The following IMMP2L variants were observed in gnomAD, a reference collection of about 807,000 sequenced individuals.
The protein encoded by IMMP2L is inner mitochondrial membrane peptidase subunit 2, also known as mitochondrial inner membrane protease subunit 2.
IMMP2L carries 18 observed loss-of-function variants against 19.3 expected under a neutral mutation model. The ratio of observed to expected loss-of-function variants is 0.93; its 90% CI spans 0.64 to 1.38. The LOEUF (loss-of-function observed/expected upper bound fraction) is 1.38, where lower values mean the gene tolerates loss of function less well. Ranked by LOEUF, IMMP2L falls within the 40% of genes most tolerant of loss-of-function variation. IMMP2L has a pLI of 0.00. For missense variants in IMMP2L, 233 were observed against 218.2 expected, an observed-to-expected ratio of 1.07 and a Z score of -0.43; for synonymous variants, 76 against 73.0, an observed-to-expected ratio of 1.04 and a Z score of -0.21.
rs142900255 is a variant in IMMP2L at position 111,502,034 on chromosome 7, G to C, written c.136-14693C>G. Among the ~76,000 whole-genome samples, 1,307 of 152,000 alleles carry C rather than the reference G, an allele frequency of 8.6e-3. 23 individuals carry two copies. Among genetic ancestry groups the C allele is most frequent in the African/African-American group, 0.03 (1,254 of 41,514 alleles). ...TTAAAAGACACAGACTGGCAAATTG[G>C]ATAAAGAGTCATACATCAGTGTGCT... On this transcript the variant is annotated intron_variant, in intron 2 of 5. Coordinates refer to ENST00000405709, the MANE Select transcript of IMMP2L (RefSeq NM_032549.4).
rs577364128 is a variant in IMMP2L, at chr7:110,967,830, GA to G, written c.240-4266del. On this transcript the variant is annotated intron_variant, in intron 3 of 5. Transcript: ENST00000405709. ...TATTCTTTTATCATGAAAGTAGAAC[GA>G]AAAGTCCACTCAACACAATGATAAA... Among the ~76,000 whole-genome samples the G allele has an allele frequency of 9.8e-3, 1,495 of 152,086 alleles. 20 individuals are homozygous for G. Among genetic ancestry groups the G allele is most frequent in the African/African-American group, 0.033 (1,382 of 41,496 alleles).
At chr7:111,270,534 A>T (rs1818343099) in intron 3 of IMMP2L, among the ~76,000 whole-genome samples, 1 of 152,136 alleles carries the variant, frequency 6.6e-6, no homozygotes, top group Non-Finnish European at 1.5e-5. Flanking sequence ...ATAAAGAAAA[A>T]AATTTCTTTA....
chr7:110,970,152 A>T lies in IMMP2L; in HGVS notation c.240-6587T>A, dbSNP rs1819988684. On this transcript the variant is annotated intron_variant, in intron 3 of 5. Coordinates refer to ENST00000405709, the MANE Select transcript of IMMP2L (RefSeq NM_032549.4). ...CAATTAAATTTGTATTTATGACTCT[A>T]ACTTCTATAATTGAAAAGAGCTGTG... Among the ~76,000 whole-genome samples, 4 of 152,250 alleles carry T rather than the reference A, an allele frequency of 2.6e-5. No individual in the cohort carries two copies. The South Asian group carries it at 8.3e-4, about 32-fold the overall frequency.
chr7:110,716,409 T>C (rs1795239010), intron 5 of IMMP2L, among the ~76,000 whole-genome samples: 1 of 152,144 alleles, frequency 6.6e-6, no homozygotes, highest in Non-Finnish European at 1.5e-5. Context: ...GCTATGTACG[T>C]AAGTGTGTTT....
intron 3 of IMMP2L, among the ~76,000 whole-genome samples, chr7:111,266,318 G>A (rs576508612): frequency 2.0e-5 from 3 of 152,150 alleles, no homozygotes; most frequent in East Asian, 3.9e-4. Flanking sequence ...TGAGGTGGGT[G>A]GATCACTTGA....
At chr7:111,096,780 A>T (rs942552930) in intron 3 of IMMP2L, among the ~76,000 whole-genome samples, 1 of 151,972 alleles carries the variant, frequency 6.6e-6, no homozygotes, top group African/African-American at 2.4e-5. Flanking sequence ...CTTCCTTAGC[A>T]TCTCCTTTCT....
intron 4 of IMMP2L, among the ~76,000 whole-genome samples, chr7:110,903,471 C>T (rs1812122405): frequency 6.6e-6 from 1 of 152,144 alleles, no homozygotes; most frequent in Admixed American, 6.6e-5. Flanking sequence ...ATTGATTTGA[C>T]TATTTTAGAT....
At chr7:111,094,474 C>G (rs561287406) in intron 3 of IMMP2L, among the ~76,000 whole-genome samples, 99 of 152,212 alleles carry the variant, frequency 6.5e-4, no homozygotes, top group African/African-American at 2.3e-3. Context: ...GTACAGCACA[C>G]TAAAATGTTC....
rs979194488 is a variant in IMMP2L at position 110,877,069 on chromosome 7, C to T, written c.408+9524G>A. Among the ~76,000 whole-genome samples, 4 of 152,154 alleles carry T rather than the reference C, an allele frequency of 2.6e-5. No homozygotes were observed. The highest frequency in any genetic ancestry group is 9.6e-5 in the African/African-American group (4 of 41,460). On this transcript the variant is annotated intron_variant, in intron 5 of 5. Transcript: ENST00000405709. The surrounding 1 kb of genome is among the most constrained non-coding windows in gnomAD (Gnocchi z 4.0). The stretch of plus-strand genomic sequence containing the variant: ...TCTCTCTTGCAAGTACTTAACTCAG[C>T]CGTTACAGAGGGAAAGCAGCCATAG...
chr7:110,895,908 T>G (rs566856182), intron 4 of IMMP2L, among the ~76,000 whole-genome samples: 10 of 152,272 alleles, frequency 6.6e-5, no homozygotes, highest in African/African-American at 1.4e-4. Context: ...TCTAGTTTTA[T>G]TTTGTAGAGT....
At chr7:111,536,377 G>C (rs548573956) in intron 1 of IMMP2L, among the ~76,000 whole-genome samples, 1 of 151,772 alleles carries the variant, frequency 6.6e-6, no homozygotes, top group African/African-American at 2.4e-5. Flanking sequence ...GCATGATCAC[G>C]GCTCACTGCA....
At chr7:111,370,734 C>T (rs959584526) in intron 3 of IMMP2L, among the ~76,000 whole-genome samples, 1 of 151,834 alleles carries the variant, frequency 6.6e-6, no homozygotes, top group Non-Finnish European at 1.5e-5. Context: ...AACGAGATTC[C>T]CCTAAACCAG....
At chr7:110,932,705 T>C (rs995383084) in intron 4 of IMMP2L, among the ~76,000 whole-genome samples, 2 of 152,194 alleles carry the variant, frequency 1.3e-5, no homozygotes, top group South Asian at 2.1e-4. Flanking sequence ...ATATTTGATA[T>C]TTTTGCCTTT....
intron 3 of IMMP2L, among the ~76,000 whole-genome samples, chr7:111,276,087 T>C (rs1254556314): frequency 1.3e-5 from 2 of 152,088 alleles, no homozygotes; most frequent in Non-Finnish European, 2.9e-5. Flanking sequence ...TGGGTTTGTC[T>C]TATATTTTCT....
chr7:111,061,194 T>C (rs1332987759), intron 3 of IMMP2L, among the ~76,000 whole-genome samples: 2 of 152,186 alleles, frequency 1.3e-5, no homozygotes, highest in African/African-American at 4.8e-5. Flanking sequence ...GTACATGGCA[T>C]ACAGGCTGGG....
At chr7:111,475,612 AAG>A (rs1378691469) in intron 3 of IMMP2L, among the ~76,000 whole-genome samples, 1 of 152,110 alleles carries the variant, frequency 6.6e-6, no homozygotes, top group Non-Finnish European at 1.5e-5. Flanking sequence ...TTAAGTTGAC[AAG>A]AGATATGGAG....
At chr7:111,169,894 T>C (rs1806238162) in intron 3 of IMMP2L, among the ~76,000 whole-genome samples, 1 of 151,948 alleles carries the variant, frequency 6.6e-6, no homozygotes, top group Admixed American at 6.6e-5. Context: ...TCTCTTCTTT[T>C]ATTGTCTCCT....
intron 3 of IMMP2L, among the ~76,000 whole-genome samples, chr7:111,291,352 C>G (rs560381978): frequency 2.0e-5 from 3 of 152,300 alleles, no homozygotes; most frequent in South Asian, 4.1e-4. Flanking sequence ...CCACAAACAT[C>G]TCACAGAGTC....
At chr7:111,217,126 T>TCTCTCACACACACACACACA (rs1472700586) in intron 3 of IMMP2L, among the ~76,000 whole-genome samples, 1 of 123,998 alleles carries the variant, frequency 8.1e-6, no homozygotes, top group African/African-American at 3.2e-5. Flanking sequence ...TCTCTCTCTC[T>TCTCTCACACACACACACACA]CACACACACA....
Sources: allele counts gnomAD v4.1 joint callset (sites outside exome capture counted in the v4.1 genomes callset), GRCh38; gene constraint gnomAD v4.1.1; non-coding constraint Gnocchi (gnomAD v3.1); transcripts MANE v1.5; gene names NCBI Gene and HGNC (gene_info 2026-07-23, HGNC 2026-07-21).